Variants in ZFP64 observed in about 807,000 individuals in gnomAD.
ZFP64 encodes the protein zinc finger protein 64.
Under a neutral mutation model 51.6 loss-of-function variants are expected in ZFP64, and 14 were observed. The observed-to-expected ratio is 0.27, with a 90% CI of 0.18 to 0.42. The LOEUF is 0.42. Among genes scored for constraint, ZFP64 ranks in the 10% least tolerant of loss-of-function variants. The pLI is 1.00. For synonymous variants in ZFP64, 375 were observed against 361.4 expected (o/e 1.04, Z -0.43); for missense variants, 754 against 906.8 (o/e 0.83, Z 2.16).
At chr20:52,091,413 G>A (rs2078925356) in intron 7 of ZFP64, among the ~76,000 whole-genome samples, 1 of 152,056 alleles carries the variant, frequency 6.6e-6, no homozygotes, top group African/African-American at 2.4e-5. Context: ...CTAAATCAAA[G>A]TGATAGGAAC....
At chr20:52,118,939 T>A (rs1176423883) in intron 5 of ZFP64, among the ~76,000 whole-genome samples, 2 of 152,144 alleles carry the variant, frequency 1.3e-5, no homozygotes, top group African/African-American at 4.8e-5. Context: ...GGCCAGGAGT[T>A]AGAGGCTGGC....
intron 5 of ZFP64, among the ~76,000 whole-genome samples, chr20:52,144,255 A>G (rs1980401820): frequency 7.0e-6 from 1 of 142,804 alleles, no homozygotes; most frequent in African/African-American, 2.5e-5. Context: ...ACAAAATAAA[A>G]TGAAAGAAAA....
chr20:52,111,895 A>G (rs955207153), intron 5 of ZFP64, among the ~76,000 whole-genome samples: 1 of 151,992 alleles, frequency 6.6e-6, no homozygotes, highest in Non-Finnish European at 1.5e-5. Context: ...CAGCCTGGAC[A>G]ACGTGGTGAA....
intron 5 of ZFP64, among the ~76,000 whole-genome samples, chr20:52,135,841 G>A (rs899966262): frequency 3.3e-5 from 5 of 151,606 alleles, no homozygotes; most frequent in Non-Finnish European, 5.9e-5. Flanking sequence ...GCTCACGCCT[G>A]TAATGCCAGC....
chr20:52,105,160 C>G, intron 5 of ZFP64: 1 of 1,452,734 alleles, frequency 6.9e-7, no homozygotes, highest in African/African-American at 1.5e-5. Flanking sequence ...GCGGGGCCAC[C>G]TCCGCACACT....
chr20:52,098,888 G>C (rs1225681117), intron 5 of ZFP64, among the ~76,000 whole-genome samples: 1 of 151,558 alleles, frequency 6.6e-6, no homozygotes, highest in African/African-American at 2.4e-5. Flanking sequence ...TGTAGTCCCA[G>C]CTACTCGGGA....
In ZFP64 at chr20:52,160,026, C is replaced by T. The variant is rs1981644702; in HGVS notation, c.763+97G>A. 1 of 1,567,332 alleles carries T rather than the reference C, an allele frequency of 6.4e-7. No individual in the cohort carries two copies. On this transcript the variant is annotated intron_variant, in intron 5 of 5. Transcript: ENST00000216923. The surrounding 1 kb of genome is among the most constrained non-coding windows in gnomAD (Gnocchi z 4.2). ...ACAACGGGATGAGCAAAGGTTCCAA[C>T]TCGATTTCTTACATTGTGGCTGAAT...
chr20:52,154,261 C>T (rs1160237092), intron 5 of ZFP64, among the ~76,000 whole-genome samples: 4 of 152,160 alleles, frequency 2.6e-5, no homozygotes, highest in African/African-American at 9.7e-5. Flanking sequence ...AGGCGCTATG[C>T]TGAGCACTCC....
At chr20:52,168,193 G>A (rs1982440942) in intron 2 of ZFP64, among the ~76,000 whole-genome samples, 1 of 151,880 alleles carries the variant, frequency 6.6e-6, no homozygotes, top group South Asian at 2.1e-4. Context: ...TTTGAGTAAA[G>A]CCACAGTTTC....
At chr20:52,150,071 T>C (rs1470038592), downstream of ZFP64, among the ~76,000 whole-genome samples, 3 of 151,780 alleles carry the variant, frequency 2.0e-5, no homozygotes, top group Non-Finnish European at 4.4e-5. Flanking sequence ...CGGACTTGGT[T>C]GCGGGTGCCT....
intron 7 of ZFP64, among the ~76,000 whole-genome samples, chr20:52,094,169 C>A (rs2078959678): frequency 6.6e-6 from 1 of 152,120 alleles, no homozygotes; most frequent in Non-Finnish European, 1.5e-5. Context: ...ATATATGGAG[C>A]AGTCTTCAGT....
chr20:52,123,151 C>T (rs951498179), intron 5 of ZFP64, among the ~76,000 whole-genome samples: 1 of 151,930 alleles, frequency 6.6e-6, no homozygotes, highest in Middle Eastern at 3.2e-3. Flanking sequence ...CCACCATGCC[C>T]GACTAATTTT....
At chr20:52,123,652 A>G (rs1440209769) in intron 5 of ZFP64, among the ~76,000 whole-genome samples, 2 of 152,218 alleles carry the variant, frequency 1.3e-5, no homozygotes, top group African/African-American at 4.8e-5. Context: ...AGACTCCAGT[A>G]TAGTGTAAAT....
In ZFP64 at chr20:52,152,779, G is replaced by A. The variant is rs1381832815; in HGVS notation, c.1413C>T (p.Pro471=). 5.6e-6 allele frequency: 9 copies of A among 1,606,344 alleles called. No individual in the cohort carries two copies. Among genetic ancestry groups the A allele is most frequent in the Non-Finnish European group, 7.7e-6 (9 of 1,174,516 alleles). ...GGTGTCCCACAGTGAGGGGCGTGGC[G>A]GGCTGCTTGCTGGGGTCGATCTGAA... ...LQFQIDPSKQ[P]ATPLTVGHLQ... is the part of the protein sequence containing the mutation. Residue 471 remains proline (P), a synonymous_variant, in exon 6 of 6, where the codon CCC becomes CCT. Coordinates refer to ENST00000216923, the MANE Select transcript of ZFP64 (RefSeq NM_018197.3).
intron 5 of ZFP64, among the ~76,000 whole-genome samples, chr20:52,114,790 G>A (rs1371873191): frequency 6.6e-6 from 1 of 152,144 alleles, no homozygotes; most frequent in Non-Finnish European, 1.5e-5. Flanking sequence ...AAGGGAGAAT[G>A]TCCAAGAATG....
intron 5 of ZFP64, among the ~76,000 whole-genome samples, chr20:52,121,313 C>T (rs911592820): frequency 2.6e-5 from 4 of 152,014 alleles, no homozygotes; most frequent in Admixed American, 2.0e-4. Context: ...CCTTTTGAGT[C>T]CAACAGCCAA....
At chr20:52,133,219 G>A (rs1979805525) in intron 5 of ZFP64, among the ~76,000 whole-genome samples, 1 of 152,120 alleles carries the variant, frequency 6.6e-6, no homozygotes, top group African/African-American at 2.4e-5. Context: ...CATAATAATA[G>A]CCATATACGA....
rs1156545584 is a variant in ZFP64 at position 52,144,578 on chromosome 20, C to CAAAAAAAAAAAAAA, written c.763+15531_763+15544dup. Among the ~76,000 whole-genome samples the CAAAAAAAAAAAAAA allele has an allele frequency of 3.4e-3, 80 of 23,318 alleles. 22 individuals carry two copies. Among genetic ancestry groups the CAAAAAAAAAAAAAA allele is most frequent in the Admixed American group, 5.3e-3 (7 of 1,318 alleles). 15.3% of individuals were successfully genotyped at this position (23,318 alleles called of 152,430 possible). A position where few individuals can be genotyped will look rare whatever the true frequency, so the allele number is the denominator to read the frequency against. On this transcript the variant is annotated intron_variant, in intron 5 of 8. Coordinates refer to the ZFP64 transcript ENST00000361387. ...CTGGTGACAGAGCGAGACTCCGTCT[C>CAAAAAAAAAAAAAA]AAAAAAAAAAAAAAAAAAAAAAAAT... is the stretch of plus-strand genomic sequence containing the variant.
chr20:52,158,411 A>G (rs1214119908), intron 5 of ZFP64, among the ~76,000 whole-genome samples: 2 of 152,186 alleles, frequency 1.3e-5, no homozygotes, highest in Non-Finnish European at 2.9e-5. Context: ...GTTTGCAAAA[A>G]TGGTCCCAAT....
Sources: allele counts gnomAD v4.1 joint callset (sites outside exome capture counted in the v4.1 genomes callset), GRCh38; gene constraint gnomAD v4.1.1; non-coding constraint Gnocchi (gnomAD v3.1); transcripts MANE v1.5; gene names NCBI Gene and HGNC (gene_info 2026-07-23, HGNC 2026-07-21).